SLC9C1: variants seen among roughly 807,000 people sequenced by gnomAD.
SLC9C1 encodes the protein solute carrier family 9 member C1.
A neutral mutation model predicts 140.9 loss-of-function variants in SLC9C1; 97 were observed. The observed-to-expected ratio is 0.69, with a 90% CI of 0.58 to 0.82. The LOEUF (loss-of-function observed/expected upper bound fraction) is 0.82, where lower values mean the gene tolerates loss of function less well. SLC9C1 is among the 40% of genes least tolerant of loss of function. The pLI is 0.00. For synonymous variants in SLC9C1, 440 were observed against 442.6 expected (o/e 0.99, Z 0.07); for missense variants, 1,340 against 1,389.3 (o/e 0.96, Z 0.56).
At chr3:112,191,558 G>T (rs557042438) in intron 20 of SLC9C1, among the ~76,000 whole-genome samples, 15 of 152,194 alleles carry the variant, frequency 9.9e-5, no homozygotes, top group African/African-American at 2.6e-4. Flanking sequence ...ACCAATTGTG[G>T]TGAATGATTC....
intron 28 of SLC9C1, among the ~76,000 whole-genome samples, chr3:112,141,924 A>T (rs958097916): frequency 1.3e-5 from 2 of 152,236 alleles, no homozygotes; most frequent in South Asian, 4.1e-4. Flanking sequence ...TTTTACATTG[A>T]TCTATACAAC....
At chr3:112,285,952 C>T (rs538614456) in intron 2 of SLC9C1, among the ~76,000 whole-genome samples, 6 of 152,040 alleles carry the variant, frequency 3.9e-5, no homozygotes, top group East Asian at 1.9e-4. Flanking sequence ...GTTGTTGAGA[C>T]GAGGTTTTGC....
Position 112,204,388 on chromosome 3 carries a change from T to C in SLC9C1, c.2002A>G (p.Lys668Glu), listed in dbSNP as rs1484750007. Residue 668 changes from lysine to glutamate, a missense_variant, in exon 17 of 29, where the codon AAG (lysine) becomes GAG (glutamate). Physicochemically the swap from Lys to Glu is moderately conservative, Grantham distance 56. Transcript: ENST00000305815. Reference sequence around the variant, plus strand: ...TTCCAGGCATGTGAAAAAAAGTCCTTCCTCATTGCTGCTATCTGTTGATTT... The same window carrying C: ...TTCCAGGCATGTGAAAAAAAGTCCTCCCTCATTGCTGCTATCTGTTGATTT... ...EALLKIAAMRKDFFSHAWNIF... is the reference protein window; with the variant it reads ...EALLKIAAMREDFFSHAWNIF... The C allele has an allele frequency of 1.9e-6, 3 of 1,569,932 alleles. No individual in the cohort carries two copies. The highest frequency in any genetic ancestry group is 1.4e-5 in the African/African-American group (1 of 72,096).
chr3:112,198,690 A>T (rs1339725674), intron 20 of SLC9C1, among the ~76,000 whole-genome samples: 4 of 151,988 alleles, frequency 2.6e-5, no homozygotes, highest in Non-Finnish European at 5.9e-5. Flanking sequence ...TGAGTTACAT[A>T]GCTGTTAGGG....
Position 112,170,841 on chromosome 3 carries a change from G to A in SLC9C1, c.2920-1513C>T, listed in dbSNP as rs148975854. On this transcript the variant is annotated intron_variant, in intron 23 of 28. Transcript: ENST00000305815. ...AACTTTTGTAAGCAACTGACAAACT[G>A]TTTCAGACCAAAACCACTGTTCAAA... Among the ~76,000 whole-genome samples, 24 of 152,316 alleles carry A rather than the reference G, an allele frequency of 1.6e-4. No individual in the cohort carries two copies. In the East Asian group the frequency reaches 4.6e-3, roughly 29 times the overall value.
At chr3:112,291,306 A>G (rs2080675556) in intron 1 of SLC9C1, among the ~76,000 whole-genome samples, 1 of 152,230 alleles carries the variant, frequency 6.6e-6, no homozygotes, top group Admixed American at 6.5e-5. Context: ...TGCACGCAAA[A>G]GAAACTATCA....
rs575007534 is a variant in SLC9C1, at chr3:112,182,974, G to A, written c.2524-716C>T. ...TTATTTTCATCGTTGTATAGTATTCGGTTGTATGGATACCACAGCTTTATT... is the reference window on the plus strand; with the variant it reads ...TTATTTTCATCGTTGTATAGTATTCAGTTGTATGGATACCACAGCTTTATT... On this transcript the variant is annotated intron_variant, in intron 20 of 28. Transcript: ENST00000305815. Among the ~76,000 whole-genome samples, 4 of 152,196 alleles carry A rather than the reference G, an allele frequency of 2.6e-5. No individual in the cohort carries two copies. In the East Asian group the frequency reaches 5.8e-4, roughly 22 times the overall value.
chr3:112,252,323 CCA>C, intron 10 of SLC9C1, among the ~76,000 whole-genome samples: 1 of 152,234 alleles, frequency 6.6e-6, no homozygotes, highest in Middle Eastern at 3.4e-3. Context: ...AATTTCCTGA[CCA>C]CAGTCTATGA....
At chr3:112,251,513 T>G (rs2079456490) in intron 10 of SLC9C1, among the ~76,000 whole-genome samples, 1 of 152,106 alleles carries the variant, frequency 6.6e-6, no homozygotes, top group Non-Finnish European at 1.5e-5. Context: ...TTCAGCAAAG[T>G]CAGAGATTAG....
At chr3:112,232,033 G>A (rs1367289766) in intron 12 of SLC9C1, among the ~76,000 whole-genome samples, 1 of 152,204 alleles carries the variant, frequency 6.6e-6, no homozygotes, top group Non-Finnish European at 1.5e-5. Flanking sequence ...TTACAGATGA[G>A]AAACTGAAGC....
intron 10 of SLC9C1, among the ~76,000 whole-genome samples, chr3:112,258,174 A>G (rs2079664644): frequency 6.6e-6 from 1 of 152,202 alleles, no homozygotes; most frequent in Non-Finnish European, 1.5e-5. Flanking sequence ...CATTTGACCC[A>G]GCAATCCCAT....
intron 10 of SLC9C1, among the ~76,000 whole-genome samples, chr3:112,262,437 T>TA (rs11425797): frequency 0.59 from 89,646 of 151,492 alleles, 27,035 homozygotes; most frequent in East Asian, 0.79. Context: ...GAAATTTTCT[T>TA]ACAGAGATCC....
At chr3:112,212,407 C>T (rs567707918) in intron 15 of SLC9C1, among the ~76,000 whole-genome samples, 44 of 152,166 alleles carry the variant, frequency 2.9e-4, no homozygotes, top group African/African-American at 9.4e-4. Context: ...CAAACTTCTC[C>T]GAGCTAAAGG....
intron 8 of SLC9C1, among the ~76,000 whole-genome samples, chr3:112,265,887 T>TATTGC (rs2079904851): frequency 6.6e-6 from 1 of 152,162 alleles, no homozygotes; most frequent in Non-Finnish European, 1.5e-5. Context: ...AATTTTAAAA[T>TATTGC]ATTGCATTAA....
intron 2 of SLC9C1, among the ~76,000 whole-genome samples, chr3:112,285,522 T>C (rs2080484168): frequency 6.6e-6 from 1 of 152,182 alleles, no homozygotes; most frequent in African/African-American, 2.4e-5. Context: ...AGTATAGGCA[T>C]CAGGCACCGT....
chr3:112,277,517 A>G (rs2080247166), intron 5 of SLC9C1, among the ~76,000 whole-genome samples, 178 bp downstream of exon 5: 1 of 152,090 alleles, frequency 6.6e-6, no homozygotes, highest in African/African-American at 2.4e-5. Context: ...TAAGCCCATC[A>G]CTGGCATTTC....
chr3:112,234,003 G>A (rs950237914), intron 12 of SLC9C1, among the ~76,000 whole-genome samples: 3 of 152,152 alleles, frequency 2.0e-5, no homozygotes, highest in Admixed American at 6.5e-5. Context: ...CCCAGTAATG[G>A]GATGGCTGGG....
At chr3:112,239,298 T>C (rs1186701268) in intron 12 of SLC9C1, among the ~76,000 whole-genome samples, 8 of 152,314 alleles carry the variant, frequency 5.3e-5, no homozygotes, top group Non-Finnish European at 8.8e-5. Context: ...GCTAAGACCA[T>C]TGGAAAAGCA....
chr3:112,179,454 A>G, intron 23 of SLC9C1, 77 bp downstream of exon 23: 2 of 1,454,516 alleles, frequency 1.4e-6, no homozygotes, highest in Non-Finnish European at 1.9e-6. Flanking sequence ...GTAAACTTAT[A>G]CTAAATACTA....
Sources: allele counts gnomAD v4.1 joint callset (sites outside exome capture counted in the v4.1 genomes callset), GRCh38; gene constraint gnomAD v4.1.1; transcripts MANE v1.5; gene names NCBI Gene and HGNC (gene_info 2026-07-23, HGNC 2026-07-21).